Variants in LAMA2 observed in about 807,000 individuals in gnomAD.
LAMA2 encodes laminin subunit alpha-2.
LAMA2 carries 269 observed loss-of-function variants against 364.8 expected under a neutral mutation model. The observed-to-expected ratio is 0.74, with a 90% confidence interval of 0.67 to 0.82. The LOEUF is 0.82. Among genes scored for constraint, LAMA2 ranks in the 40% least tolerant of loss-of-function variants. The probability of loss-of-function intolerance (pLI) is 0.00; values close to 1 mark genes in which losing one functional copy is unlikely to be tolerated. For synonymous variants in LAMA2, 1,379 were observed against 1,370.6 expected, an observed-to-expected ratio of 1.01 and a Z score of -0.14; for missense variants, 3,807 against 3,873.2, an observed-to-expected ratio of 0.98 and a Z score of 0.45.
chr6:129,245,237 T>G (rs1274964171), intron 12 of LAMA2, among the ~76,000 whole-genome samples: 1 of 152,162 alleles, frequency 6.6e-6, no homozygotes, highest in Non-Finnish European at 1.5e-5. Flanking sequence ...CTCTTTGTAT[T>G]GAAAAGAGAT....
chr6:129,047,410 A>T (rs1304936430), intron 1 of LAMA2, among the ~76,000 whole-genome samples: 1 of 152,202 alleles, frequency 6.6e-6, no homozygotes, highest in Non-Finnish European at 1.5e-5. Flanking sequence ...AATAAATGAG[A>T]TAGTGATTAA....
At chr6:129,404,070 T>G (rs1437968414) in intron 40 of LAMA2, 111 bp downstream of exon 40, 1 of 1,185,132 alleles carries the variant, frequency 8.4e-7, no homozygotes, top group African/African-American at 1.5e-5. Flanking sequence ...TTTTGGGTTA[T>G]TTTTGAAGAC....
intron 45 of LAMA2, among the ~76,000 whole-genome samples, chr6:129,449,330 C>T (rs1782547090): frequency 6.6e-6 from 1 of 152,132 alleles, no homozygotes; most frequent in Non-Finnish European, 1.5e-5. Context: ...AAGATGCTGG[C>T]AGGTTAGGGA....
At chr6:129,317,129 G>T (rs945972737) in intron 27 of LAMA2, among the ~76,000 whole-genome samples, 1 of 152,070 alleles carries the variant, frequency 6.6e-6, no homozygotes, top group Admixed American at 6.5e-5. Context: ...TGAGTAGACG[G>T]TTCACCTTAT....
intron 22 of LAMA2, among the ~76,000 whole-genome samples, chr6:129,303,940 C>T (rs1359500412): frequency 6.6e-6 from 1 of 152,038 alleles, no homozygotes; most frequent in Non-Finnish European, 1.5e-5. Flanking sequence ...GTATTCCCTC[C>T]TCATAATTTA....
chr6:129,172,192 A>G (rs1162217844), intron 9 of LAMA2, among the ~76,000 whole-genome samples: 1 of 151,880 alleles, frequency 6.6e-6, no homozygotes, highest in Non-Finnish European at 1.5e-5. Flanking sequence ...GTCGTTCTCC[A>G]TCCAGCTTTG....
chr6:129,159,954 CA>C (rs1165712325), intron 8 of LAMA2, among the ~76,000 whole-genome samples: 1 of 152,044 alleles, frequency 6.6e-6, no homozygotes, highest in Non-Finnish European at 1.5e-5. Flanking sequence ...AATTAATCTC[CA>C]TTTGGTTATG....
intron 4 of LAMA2, among the ~76,000 whole-genome samples, chr6:129,113,354 G>A (rs1038375342): frequency 2.0e-5 from 3 of 152,012 alleles, no homozygotes; most frequent in African/African-American, 7.2e-5. Flanking sequence ...CCAGTTGGCA[G>A]GAGATGGATG....
At chr6:129,241,469 G>A (rs1374798236) in intron 12 of LAMA2, among the ~76,000 whole-genome samples, 1 of 152,178 alleles carries the variant, frequency 6.6e-6, no homozygotes, top group Non-Finnish European at 1.5e-5. Context: ...TTATGTGCTA[G>A]GTACCAAGTG....
intron 1 of LAMA2, among the ~76,000 whole-genome samples, chr6:129,016,766 TTAAAA>T (rs1378133944): frequency 8.6e-5 from 13 of 151,884 alleles, no homozygotes; most frequent in Non-Finnish European, 1.9e-4. Flanking sequence ...ATGTAGGTTA[TTAAAA>T]TAATATACTG....
chr6:129,051,022 AG>A (rs1335356153), intron 2 of LAMA2, among the ~76,000 whole-genome samples: 1 of 151,688 alleles, frequency 6.6e-6, no homozygotes, highest in Non-Finnish European at 1.5e-5. Flanking sequence ...TAGAGGCAAA[AG>A]AAAAGTAAAT....
intron 8 of LAMA2, 45 bp from the exon 9 acceptor site, chr6:129,165,531 T>G: frequency 7.8e-7 from 1 of 1,289,974 alleles, no homozygotes; most frequent in Non-Finnish European, 1.1e-6. Context: ...AAAATATTGC[T>G]GTTTCTATTA....
chr6:129,155,974 A>G (rs1779089918), intron 8 of LAMA2, among the ~76,000 whole-genome samples: 2 of 152,032 alleles, frequency 1.3e-5, no homozygotes, highest in Admixed American at 1.3e-4. Context: ...GTCAAAGAAT[A>G]TAAAATTTCA....
At chr6:129,269,467 G>A (rs999540958) in intron 16 of LAMA2, among the ~76,000 whole-genome samples, 4 of 150,848 alleles carry the variant, frequency 2.7e-5, no homozygotes, top group East Asian at 1.9e-4. Flanking sequence ...TTGATGAAAC[G>A]TGACATTAGA....
chr6:129,056,286 G>A (rs1195303954), intron 2 of LAMA2, among the ~76,000 whole-genome samples: 1 of 152,080 alleles, frequency 6.6e-6, no homozygotes, highest in African/African-American at 2.4e-5. Context: ...TTTCACCAGG[G>A]TCATTTATTT....
rs551784866 is a variant in LAMA2, at chr6:129,479,236, T to C, written c.7572+423T>C. ...AAGTAGCAAGTAGTAATTTACACCG[T>C]AGCCATTAGTGCATAGTCTGTTGTC... is the stretch of plus-strand genomic sequence containing the variant. On this transcript the variant is annotated intron_variant, in intron 54 of 64. Coordinates refer to ENST00000421865, the MANE Select transcript of LAMA2 (RefSeq NM_000426.4). Among the ~76,000 whole-genome samples, 3 of 152,338 alleles carry C rather than the reference T, an allele frequency of 2.0e-5. No homozygotes were observed. The East Asian group carries it at 5.8e-4, about 29-fold the overall frequency.
rs1438928815 is a variant in LAMA2 at position 129,177,561 on chromosome 6, T to C, written c.1307-145T>C. ...GCTTTTAATTAAACCCTCTACTCTT[T>C]GGTTTTAACTTTTCTTTATTGATAT... On this transcript the variant is annotated intron_variant, in intron 9 of 64. Coordinates refer to ENST00000421865, the MANE Select transcript of LAMA2 (RefSeq NM_000426.4). 7 of 743,954 alleles carry C rather than the reference T, an allele frequency of 9.4e-6. No homozygotes were observed. In the Admixed American group the frequency reaches 1.5e-4, roughly 16 times the overall value. The allele number at this position is 743,954 out of a possible 1,614,324, so 46.1% of individuals were successfully genotyped here.
At chr6:129,468,123 T>G (rs1204057146) in intron 51 of LAMA2, among the ~76,000 whole-genome samples, 1 of 151,980 alleles carries the variant, frequency 6.6e-6, no homozygotes, top group East Asian at 1.9e-4. Flanking sequence ...TCCTGTCAAA[T>G]GCACCAAGCA....
Position 129,440,977 on chromosome 6 carries a change from G to A in LAMA2, c.6247G>A (p.Val2083Ile). ...CAGCGTCGCCAAAACGAATGCTGTG[G>A]TTAAAGATCCTTCCAAGAACAGTAA... is the stretch of plus-strand genomic sequence containing the variant. ...ADSVAKTNAV[V>I]KDPSKNKIIA... Residue 2083 changes from valine to isoleucine, a missense_variant, in exon 43 of 65, where the codon GTT (valine) becomes ATT (isoleucine). By Grantham distance (29) the Val-to-Ile change is conservative (BLOSUM62 3). Around this residue, in one of 3 missense-constraint regions of LAMA2, gnomAD observed 3,333 missense variants for 3,345.7 expected, o/e 1.00. Transcript: ENST00000421865. 1.2e-6 allele frequency: 2 copies of A among 1,613,584 alleles called. No homozygotes were observed. Among genetic ancestry groups the A allele is most frequent in the Non-Finnish European group, 1.7e-6 (2 of 1,179,588 alleles).
Sources: allele counts gnomAD v4.1 joint callset (sites outside exome capture counted in the v4.1 genomes callset), GRCh38; gene constraint gnomAD v4.1.1; regional missense constraint gnomAD v4.1.1; transcripts MANE v1.5; gene names NCBI Gene and HGNC (gene_info 2026-07-23, HGNC 2026-07-21).